The following MYO16 variants were observed in gnomAD, a reference collection of about 807,000 sequenced individuals.
MYO16 encodes myosin XVI, also known as unconventional myosin-XVI.
MYO16 carries 94 observed loss-of-function variants against 205.3 expected under a neutral mutation model. The ratio of observed to expected loss-of-function variants is 0.46; its 90% CI spans 0.39 to 0.54. The LOEUF (loss-of-function observed/expected upper bound fraction) is 0.54, where lower values mean the gene tolerates loss of function less well. MYO16 is among the 20% of genes least tolerant of loss of function. The probability of loss-of-function intolerance (pLI) is 0.00; values close to 1 mark genes in which losing one functional copy is unlikely to be tolerated. For missense variants in MYO16, 2,315 were observed against 2,387.5 expected (o/e 0.97, Z 0.63); for synonymous variants, 988 against 954.0 (o/e 1.04, Z -0.66).
At chr13:109,044,876 G>T (rs558259343) in intron 23 of MYO16, among the ~76,000 whole-genome samples, 1 of 152,212 alleles carries the variant, frequency 6.6e-6, no homozygotes, top group Admixed American at 6.5e-5. Context: ...TTTTAGTAGA[G>T]ATGGGGTTTC....
chr13:108,632,132 A>G (rs536214231), intron 1 of MYO16, among the ~76,000 whole-genome samples: 1 of 149,012 alleles, frequency 6.7e-6, no homozygotes, highest in East Asian at 2.0e-4. Context: ...CTAAGGGTTT[A>G]TTGATAAGGA....
chr13:109,193,633 G>A (rs2139950882), intron 34 of MYO16, among the ~76,000 whole-genome samples: 1 of 152,244 alleles, frequency 6.6e-6, no homozygotes, highest in East Asian at 1.9e-4. Flanking sequence ...TGTAAATTAA[G>A]ACACTGGCTA....
intron 16 of MYO16, among the ~76,000 whole-genome samples, chr13:108,920,376 C>T (rs1432138629): frequency 6.7e-6 from 1 of 150,072 alleles, no homozygotes; most frequent in Non-Finnish European, 1.5e-5. Flanking sequence ...CTCTTTCTTT[C>T]CTTCTCTCTC....
chr13:108,581,471 C>A, the MYO16 span, among the ~76,000 whole-genome samples: 1 of 152,024 alleles, frequency 6.6e-6, no homozygotes, highest in African/African-American at 2.4e-5. Flanking sequence ...TTATATCTCT[C>A]GCCCTTCTTC....
chr13:108,592,728 C>CTGTGTGTGTGTGTGTGTGTG (rs55845447), upstream of MYO16, among the ~76,000 whole-genome samples: 570 of 139,364 alleles, frequency 4.1e-3, 2 homozygotes, highest in Non-Finnish European at 6.9e-3. Flanking sequence ...GTGAGGGTGG[C>CTGTGTGTGTGTGTGTGTGTG]TGTGTGTGTG....
chr13:108,630,459 T>A (rs1879929882), intron 1 of MYO16, among the ~76,000 whole-genome samples: 1 of 152,212 alleles, frequency 6.6e-6, no homozygotes, highest in African/African-American at 2.4e-5. Flanking sequence ...TGTCACCAGG[T>A]TCTCTTTTGG....
At chr13:108,763,787 T>TTGTGTGTGTGTGTGTGTGTG (rs56115831) in intron 4 of MYO16, among the ~76,000 whole-genome samples, 4 of 142,534 alleles carry the variant, frequency 2.8e-5, no homozygotes, top group African/African-American at 1.0e-4. Context: ...AGAAAAGGAG[T>TTGTGTGTGTGTGTGTGTGTG]TGTGTGTGTG....
At chr13:108,988,084 C>G (rs1259844749) in intron 20 of MYO16, among the ~76,000 whole-genome samples, 1 of 152,166 alleles carries the variant, frequency 6.6e-6, no homozygotes, top group East Asian at 1.9e-4. Flanking sequence ...AACAGATCAT[C>G]TAATTCATAT....
At position 109,013,936 on chromosome 13, in the gene MYO16, A is replaced by G. The variant is rs931562834; in HGVS notation, c.2595+4887A>G. ...TAGGTTATCTGTTCACTCTGACGGT[A>G]GTTTCTTTTACTGTGCAGAAACTCT... is the stretch of plus-strand genomic sequence containing the variant. On this transcript the variant is annotated intron_variant, in intron 22 of 34. Transcript: ENST00000457511. Among the ~76,000 whole-genome samples, 3 of 152,264 alleles carry G rather than the reference A, an allele frequency of 2.0e-5. No homozygotes were observed. The East Asian group carries it at 5.8e-4, about 29-fold the overall frequency.
At chr13:108,752,409 A>G (rs1885265098) in intron 4 of MYO16, among the ~76,000 whole-genome samples, 1 of 152,308 alleles carries the variant, frequency 6.6e-6, no homozygotes, top group Non-Finnish European at 1.5e-5. Context: ...ACAGATTCGT[A>G]CAAAGGTTAT....
chr13:109,074,186 C>T (rs569420169), intron 27 of MYO16, among the ~76,000 whole-genome samples: 78 of 152,276 alleles, frequency 5.1e-4, no homozygotes, highest in African/African-American at 1.8e-3. Context: ...TTTACATAAA[C>T]ATACACCCAT....
At chr13:109,144,334 G>A (rs575180350) in intron 32 of MYO16, among the ~76,000 whole-genome samples, 2 of 152,208 alleles carry the variant, frequency 1.3e-5, no homozygotes, top group African/African-American at 4.8e-5. Context: ...ATTCTTTATG[G>A]GCTGTGATGA....
the MYO16 span, among the ~76,000 whole-genome samples, chr13:108,545,001 T>A: frequency 5.4e-3 from 825 of 152,082 alleles, 13 homozygotes; most frequent in African/African-American, 0.019. Context: ...TTCTTTTTTT[T>A]TTAATTTTAC....
At chr13:109,097,817 T>C (rs1888825707) in intron 27 of MYO16, among the ~76,000 whole-genome samples, 1 of 152,236 alleles carries the variant, frequency 6.6e-6, no homozygotes, top group Non-Finnish European at 1.5e-5. Flanking sequence ...AAAATCCATC[T>C]ATGAGAAGAA....
At chr13:108,539,868 T>C in the MYO16 span, among the ~76,000 whole-genome samples, 1 of 152,106 alleles carries the variant, frequency 6.6e-6, no homozygotes, top group African/African-American at 2.4e-5. Context: ...TGGGAGGAAA[T>C]GCACTTCTCT....
chr13:108,527,789 CTGTT>C, the MYO16 span, among the ~76,000 whole-genome samples: 4 of 152,158 alleles, frequency 2.6e-5, no homozygotes, highest in Non-Finnish European at 5.9e-5. Flanking sequence ...AGTAATAACT[CTGTT>C]TGTTTTGCCT....
the MYO16 span, among the ~76,000 whole-genome samples, chr13:108,548,176 C>G: frequency 6.6e-6 from 1 of 151,974 alleles, no homozygotes; most frequent in East Asian, 1.9e-4. Context: ...TACAAGTGTA[C>G]CATGGTGTAT....
intron 34 of MYO16, among the ~76,000 whole-genome samples, chr13:109,186,004 A>T (rs1489958795): frequency 6.6e-6 from 1 of 152,038 alleles, no homozygotes; most frequent in Admixed American, 6.5e-5. Flanking sequence ...TCTAAGAATT[A>T]GCTCCAGGTG....
At chr13:108,843,251 C>T (rs1047626581) in intron 9 of MYO16, among the ~76,000 whole-genome samples, 7 of 151,742 alleles carry the variant, frequency 4.6e-5, no homozygotes, top group Admixed American at 4.6e-4. Flanking sequence ...AAATATATTC[C>T]ATTTTTATTT....
Sources: gnomAD v4.1 joint callset for allele counts (sites outside exome capture counted in the v4.1 genomes callset) on GRCh38, gnomAD v4.1.1 for gene constraint, MANE v1.5 for transcripts, NCBI Gene and HGNC (gene_info 2026-07-23, HGNC 2026-07-21) for gene names.